RORB: variants seen among roughly 807,000 people sequenced by gnomAD.
RORB encodes the protein RAR related orphan receptor B, also known as nuclear receptor ROR-beta.
In RORB, 6 loss-of-function variants were observed where a neutral mutation model predicts 59.1. The observed-to-expected ratio is 0.10, with a 90% CI of 0.06 to 0.20. RORB has a LOEUF of 0.20. RORB is among the 10% of genes least tolerant of loss of function. The probability of loss-of-function intolerance (pLI) is 1.00; values close to 1 mark genes in which losing one functional copy is unlikely to be tolerated. For missense variants in RORB, 320 were observed against 560.5 expected (o/e 0.57, Z 4.33); for synonymous variants, 215 against 204.5 (o/e 1.05, Z -0.44).
chr9:74,655,057 CTG>C (rs1824057744), intron 4 of RORB, among the ~76,000 whole-genome samples: 1 of 152,208 alleles, frequency 6.6e-6, no homozygotes, highest in African/African-American at 2.4e-5. Flanking sequence ...ACTGGACAGA[CTG>C]AGCATATAAA....
At chr9:74,573,180 A>G (rs967383780) in intron 1 of RORB, among the ~76,000 whole-genome samples, 1 of 152,106 alleles carries the variant, frequency 6.6e-6, no homozygotes, top group African/African-American at 2.4e-5. Context: ...ACTTTTTTGA[A>G]CAAAGTATGT....
intron 4 of RORB, among the ~76,000 whole-genome samples, chr9:74,658,477 A>T (rs907885317): frequency 2.0e-5 from 3 of 151,756 alleles, no homozygotes; most frequent in African/African-American, 7.3e-5. Flanking sequence ...TTTGGCCAAC[A>T]GTTCCAGGCA....
At chr9:74,625,686 T>A (rs972236117) in intron 1 of RORB, among the ~76,000 whole-genome samples, 1 of 152,180 alleles carries the variant, frequency 6.6e-6, no homozygotes, top group Non-Finnish European at 1.5e-5. Flanking sequence ...CTGAAATAAA[T>A]AAAACACTTA....
chr9:74,606,957 G>C (rs1395227064), intron 1 of RORB, among the ~76,000 whole-genome samples: 2 of 152,160 alleles, frequency 1.3e-5, no homozygotes, highest in Non-Finnish European at 2.9e-5. Context: ...AACCACAATG[G>C]AAGACCAGAC....
chr9:74,630,979 A>G (rs1386006148), intron 2 of RORB, among the ~76,000 whole-genome samples: 3 of 152,150 alleles, frequency 2.0e-5, no homozygotes, highest in African/African-American at 7.2e-5. Context: ...ATGTCATCTG[A>G]TCAACATCAT....
rs146347472 is a variant in RORB, at chr9:74,544,297, C to G, written c.7+46314C>G. On this transcript the variant is annotated intron_variant, in intron 1 of 9. Transcript: ENST00000376896. ...CTGAAAAGGCAAAGTAAAGCAAGCC[C>G]TCTTTTCCTCACTCACACACACGCA... Among the ~76,000 whole-genome samples, 186 of 152,252 alleles carry G rather than the reference C, an allele frequency of 1.2e-3. 3 individuals carry two copies. Among genetic ancestry groups the G allele is most frequent in the African/African-American group, 4.2e-3 (175 of 41,540 alleles).
Position 74,692,379 on chromosome 9 carries a change from A to G in RORB, c.*6761A>G, listed in dbSNP as rs1488523281. On this transcript the variant is annotated 3_prime_UTR_variant, in exon 10 of 10. Transcript: ENST00000376896. ...ACATTCCAATATTTTTGAAATCCCT[A>G]ACAATGCTTCCTTGCTTTTAGGATT... The G allele has an allele frequency of 6.6e-6, 1 of 152,240 alleles. No homozygotes were observed. The highest frequency in any genetic ancestry group is 1.9e-4 in the East Asian group (1 of 5,198). 9.4% of individuals were successfully genotyped at this position (152,240 alleles called of 1,614,324 possible). A position where few individuals can be genotyped will look rare whatever the true frequency, so the allele number is the denominator to read the frequency against.
intron 4 of RORB, among the ~76,000 whole-genome samples, chr9:74,643,130 T>G (rs1054380244): frequency 6.6e-6 from 1 of 152,176 alleles, no homozygotes; most frequent in Non-Finnish European, 1.5e-5. Flanking sequence ...CAGGGAAATT[T>G]CGGCATGTAT....
intron 1 of RORB, among the ~76,000 whole-genome samples, chr9:74,629,397 A>G (rs1339752667): frequency 3.3e-5 from 5 of 150,360 alleles, no homozygotes; most frequent in Admixed American, 3.3e-4. Flanking sequence ...TCTGGCATCA[A>G]CCCTCTAGCC....
intron 1 of RORB, among the ~76,000 whole-genome samples, chr9:74,572,137 T>C (rs528690708): frequency 8.1e-4 from 123 of 152,312 alleles, no homozygotes; most frequent in African/African-American, 2.8e-3. Flanking sequence ...TACCATGCGA[T>C]ACTGAATGAA....
intron 1 of RORB, among the ~76,000 whole-genome samples, chr9:74,501,686 A>ACT (rs995384200): frequency 1.4e-4 from 21 of 150,682 alleles, no homozygotes; most frequent in African/African-American, 5.1e-4. Context: ...ACATCTAGCG[A>ACT]CTCTCTCCTC....
At chr9:74,589,724 C>T (rs1563945774) in intron 1 of RORB, among the ~76,000 whole-genome samples, 1 of 152,056 alleles carries the variant, frequency 6.6e-6, no homozygotes, top group Non-Finnish European at 1.5e-5. Context: ...CGCATGAACC[C>T]CACGCTCGCC....
At chr9:74,653,007 A>G (rs147164944) in intron 4 of RORB, among the ~76,000 whole-genome samples, 18 of 152,368 alleles carry the variant, frequency 1.2e-4, no homozygotes, top group African/African-American at 4.3e-4. Flanking sequence ...AATAGGGATT[A>G]GAAAAATCAG....
At chr9:74,638,259 C>A (rs549493624) in intron 3 of RORB, among the ~76,000 whole-genome samples, 5 of 152,282 alleles carry the variant, frequency 3.3e-5, no homozygotes, top group African/African-American at 1.2e-4. Context: ...TAATAGAAAT[C>A]TTTGAAGGAG....
At chr9:74,502,884 A>G (rs2118016354) in intron 1 of RORB, among the ~76,000 whole-genome samples, 1 of 152,178 alleles carries the variant, frequency 6.6e-6, no homozygotes, top group South Asian at 2.1e-4. Context: ...TTGAGGTGAC[A>G]TTTTAATAAT....
At chr9:74,498,015 G>A (rs1362277119) in intron 1 of RORB, 32 bp downstream of exon 1, 2 of 1,605,718 alleles carry the variant, frequency 1.2e-6, no homozygotes, top group South Asian at 2.2e-5. Context: ...GAGGCTCCCC[G>A]AGTCCGGCCA....
At chr9:74,528,485 C>G (rs548394155) in intron 1 of RORB, among the ~76,000 whole-genome samples, 1 of 152,068 alleles carries the variant, frequency 6.6e-6, no homozygotes, top group South Asian at 2.1e-4. Context: ...ATTTAGTGTG[C>G]CAGGCCAAAG....
At chr9:74,519,907 A>T (rs1826059799) in intron 1 of RORB, among the ~76,000 whole-genome samples, 1 of 151,960 alleles carries the variant, frequency 6.6e-6, no homozygotes, top group Non-Finnish European at 1.5e-5. Context: ...ATTTCACAGC[A>T]ATTTCTAAGA....
chr9:74,598,606 G>A (rs928349199), intron 1 of RORB, among the ~76,000 whole-genome samples: 2 of 152,072 alleles, frequency 1.3e-5, no homozygotes, highest in African/African-American at 4.8e-5. Flanking sequence ...ATAGTTTTGT[G>A]TTGAAAACAT....
Sources: gnomAD v4.1 joint callset for allele counts (sites outside exome capture counted in the v4.1 genomes callset) on GRCh38, gnomAD v4.1.1 for gene constraint, MANE v1.5 for transcripts, NCBI Gene and HGNC (gene_info 2026-07-23, HGNC 2026-07-21) for gene names.